GABRA4: variants seen among roughly 807,000 people sequenced by gnomAD.
The protein encoded by GABRA4 is gamma-aminobutyric acid type A receptor subunit alpha4.
A neutral mutation model predicts 49.7 loss-of-function variants in GABRA4; 12 were observed. The ratio of observed to expected loss-of-function variants is 0.24; its 90% CI spans 0.15 to 0.39. The LOEUF (loss-of-function observed/expected upper bound fraction) is 0.39. Ranked by LOEUF, GABRA4 falls within the 10% of genes least tolerant of loss-of-function variation. GABRA4 has a pLI of 1.00. For missense variants in GABRA4, 506 were observed against 686.0 expected, an observed-to-expected ratio of 0.74 and a Z score of 2.93; for synonymous variants, 288 against 240.2, an observed-to-expected ratio of 1.20 and a Z score of -1.84.
chr4:46,940,676 A>G (rs1010019477), intron 8 of GABRA4, among the ~76,000 whole-genome samples: 2 of 152,092 alleles, frequency 1.3e-5, no homozygotes, highest in African/African-American at 4.8e-5. Context: ...AACAAACTCA[A>G]GTTCTACTGT....
At chr4:46,930,722 G>T (rs1721398252) in intron 8 of GABRA4, among the ~76,000 whole-genome samples, 1 of 151,362 alleles carries the variant, frequency 6.6e-6, no homozygotes, top group Admixed American at 6.6e-5. Flanking sequence ...AAATCTGTAT[G>T]TTTCCTAATA....
chr4:46,981,474 TA>T (rs1294637734), intron 2 of GABRA4, among the ~76,000 whole-genome samples: 1 of 152,148 alleles, frequency 6.6e-6, no homozygotes, highest in Non-Finnish European at 1.5e-5. Flanking sequence ...GTATTTGCCT[TA>T]TATGGTCCTA....
chr4:46,955,567 A>G (rs368733587), intron 8 of GABRA4, among the ~76,000 whole-genome samples: 1 of 151,992 alleles, frequency 6.6e-6, no homozygotes, highest in Non-Finnish European at 1.5e-5. Context: ...CCTTCACAGC[A>G]TTTTTGTCAC....
At chr4:46,978,995 G>A (rs774106175) in intron 3 of GABRA4, 36 bp downstream of exon 3, 1 of 1,363,806 alleles carries the variant, frequency 7.3e-7, no homozygotes, top group South Asian at 1.2e-5. Flanking sequence ...TTTTCTTCAA[G>A]TCTCAAAAGG....
chr4:46,949,783 T>C (rs1722102859), intron 8 of GABRA4, among the ~76,000 whole-genome samples: 1 of 152,122 alleles, frequency 6.6e-6, no homozygotes, highest in African/African-American at 2.4e-5. Context: ...ATGCAATTCA[T>C]AAGAAACACT....
At chr4:46,968,397 A>G (rs1722840621) in intron 7 of GABRA4, among the ~76,000 whole-genome samples, 3 of 151,276 alleles carry the variant, frequency 2.0e-5, no homozygotes, top group African/African-American at 7.3e-5. Flanking sequence ...CCCACAAAGC[A>G]TCTTTAGCAC....
At chr4:46,968,981 A>T (rs745958002) in intron 7 of GABRA4, among the ~76,000 whole-genome samples, 1 of 151,708 alleles carries the variant, frequency 6.6e-6, no homozygotes, top group Admixed American at 6.6e-5. Context: ...AATCATATTT[A>T]CTATGTGTGA....
intron 8 of GABRA4, among the ~76,000 whole-genome samples, chr4:46,956,648 T>A (rs1273622156): frequency 6.6e-6 from 1 of 151,962 alleles, no homozygotes; most frequent in Non-Finnish European, 1.5e-5. Flanking sequence ...TAAGAATGAG[T>A]ATTTGCTGTC....
intron 8 of GABRA4, among the ~76,000 whole-genome samples, chr4:46,959,288 ATCACTG>A (rs1416216927): frequency 6.6e-6 from 1 of 152,002 alleles, no homozygotes; most frequent in Non-Finnish European, 1.5e-5. Flanking sequence ...CAACCCATTA[ATCACTG>A]TCTTTAGACC....
intron 8 of GABRA4, among the ~76,000 whole-genome samples, chr4:46,938,728 A>C (rs1721684598): frequency 1.3e-5 from 2 of 152,046 alleles, no homozygotes; most frequent in Non-Finnish European, 2.9e-5. Context: ...TCCATGTTTC[A>C]TCTCTTGTTG....
At chr4:46,958,563 A>G (rs761057313) in intron 8 of GABRA4, among the ~76,000 whole-genome samples, 3 of 151,988 alleles carry the variant, frequency 2.0e-5, no homozygotes, top group Non-Finnish European at 2.9e-5. Flanking sequence ...AAAGGAAAGA[A>G]CCACAAGAAT....
At position 46,953,618 on chromosome 4, in the gene GABRA4, T is replaced by C. The variant is rs1191320338; in HGVS notation, c.1134+11352A>G. Among the ~76,000 whole-genome samples the C allele has an allele frequency of 2.0e-5, 3 of 152,150 alleles. No individual in the cohort carries two copies. The East Asian group carries it at 5.8e-4, about 29-fold the overall frequency. Reference sequence around the variant, plus strand: ...ATAACTGTGCAAAATTAATTGGTGATTTTTAGAGTTGACAAAATCCACATG... The same window carrying C: ...ATAACTGTGCAAAATTAATTGGTGACTTTTAGAGTTGACAAAATCCACATG... On this transcript the variant is annotated intron_variant, in intron 8 of 8. Transcript: ENST00000264318.
In GABRA4 at chr4:46,977,634, G is replaced by T; in HGVS notation, c.274-4C>A. 6.3e-7 allele frequency: 1 copy of T among 1,591,096 alleles called. No individual in the cohort carries two copies. The highest frequency in any genetic ancestry group is 8.6e-7 in the Non-Finnish European group (1 of 1,166,100). On this transcript the variant is annotated splice_polypyrimidine_tract_variant and splice_region_variant and intron_variant, in intron 3 of 8. Coordinates refer to ENST00000264318, the MANE Select transcript of GABRA4 (RefSeq NM_000809.4). ...AGAACACATCCATTGTGTATTCCTA[G>T]GACAATTATTTTGGAACATATTTAA... is the stretch of plus-strand genomic sequence containing the variant.
chr4:46,954,667 G>A (rs1394401276), intron 8 of GABRA4, among the ~76,000 whole-genome samples: 1 of 151,964 alleles, frequency 6.6e-6, no homozygotes, highest in South Asian at 2.1e-4. Context: ...ACATAATCTT[G>A]CCTCACTTCA....
Position 46,970,161 on chromosome 4 carries a change from G to C in GABRA4, c.874+922C>G, listed in dbSNP as rs559116007. ...AAAGGATGGGGAGGTAGGATGAAAA[G>C]TTCCCGTTCTATTTAGTTCCTTCGC... On this transcript the variant is annotated intron_variant, in intron 7 of 8. Coordinates refer to ENST00000264318, the MANE Select transcript of GABRA4 (RefSeq NM_000809.4). Among the ~76,000 whole-genome samples, 9 of 151,496 alleles carry C rather than the reference G, an allele frequency of 5.9e-5. No homozygotes were observed. The South Asian group carries it at 1.9e-3, about 31-fold the overall frequency.
At chr4:46,970,789 C>T (rs991688342) in intron 7 of GABRA4, among the ~76,000 whole-genome samples, 1 of 151,622 alleles carries the variant, frequency 6.6e-6, no homozygotes, top group Admixed American at 6.6e-5. Context: ...CAGCATTATA[C>T]TAGGAGCCCA....
At chr4:46,976,824 G>A (rs563962459) in intron 5 of GABRA4, among the ~76,000 whole-genome samples, 2 of 151,928 alleles carry the variant, frequency 1.3e-5, no homozygotes, top group South Asian at 4.1e-4. Flanking sequence ...AGCCAATTGT[G>A]ACTAAGACTA....
intron 8 of GABRA4, among the ~76,000 whole-genome samples, chr4:46,945,386 C>T (rs1400109330): frequency 6.6e-6 from 1 of 152,094 alleles, no homozygotes; most frequent in Non-Finnish European, 1.5e-5. Flanking sequence ...CCATGGACAC[C>T]AACCTGCCTC....
In GABRA4 at chr4:46,992,918, T is replaced by C; in HGVS notation, c.115A>G (p.Lys39Glu). The C allele has an allele frequency of 6.2e-7, 1 of 1,613,252 alleles. No homozygotes were observed. Among genetic ancestry groups the C allele is most frequent in the Non-Finnish European group, 8.5e-7 (1 of 1,179,790 alleles). The change falls in exon 2 of 9, where the codon AAG becomes GAG. Residue 39 changes from lysine to glutamate, a missense_variant. Lys to Glu is a moderately conservative substitution (Grantham distance 56). Coordinates refer to ENST00000264318, the MANE Select transcript of GABRA4 (RefSeq NM_000809.4). ...TTTTCTGTGCACAATTTCTCCTCCT[T>C]TTGGTTCTGTCCTGGGGATTCGTTT... ...CLNESPGQNQ[K>E]EEKLCTENFT... is the part of the protein sequence containing the mutation.
Sources: gnomAD v4.1 joint callset for allele counts (sites outside exome capture counted in the v4.1 genomes callset) on GRCh38, gnomAD v4.1.1 for gene constraint, MANE v1.5 for transcripts, NCBI Gene and HGNC (gene_info 2026-07-23, HGNC 2026-07-21) for gene names.